The following RSPO1 variants were observed in gnomAD, a reference collection of about 807,000 sequenced individuals.
RSPO1 encodes R-spondin-1.
A neutral mutation model predicts 26.0 loss-of-function variants in RSPO1; 18 were observed. The observed-to-expected ratio is 0.69, with a 90% CI of 0.48 to 1.03. The LOEUF is 1.03. Ranked by LOEUF, RSPO1 falls within the 50% of genes least tolerant of loss-of-function variation. The pLI is 0.00. For synonymous variants in RSPO1, 133 were observed against 137.4 expected, an observed-to-expected ratio of 0.97 and a Z score of 0.22; for missense variants, 309 against 352.3, an observed-to-expected ratio of 0.88 and a Z score of 0.98.
intron 1 of RSPO1, among the ~76,000 whole-genome samples, chr1:37,633,448 G>A (rs933973589): frequency 6.6e-6 from 1 of 152,210 alleles, no homozygotes; most frequent in Non-Finnish European, 1.5e-5. Context: ...GTGGAGCTGA[G>A]GGCAGAAACT....
chr1:37,630,132 C>A (rs12753021), intron 2 of RSPO1, among the ~76,000 whole-genome samples, 183 bp from the exon 3 acceptor site: 1 of 152,128 alleles, frequency 6.6e-6, no homozygotes. Flanking sequence ...AACCTGGGAC[C>A]GGAGCCGGCA....
intron 3 of RSPO1, among the ~76,000 whole-genome samples, chr1:37,619,131 G>C (rs189711445): frequency 5.9e-5 from 9 of 152,342 alleles, no homozygotes; most frequent in African/African-American, 2.2e-4. Context: ...GCTGAGGCAG[G>C]AGAATCACTT....
chr1:37,625,290 G>T (rs1436606844), intron 3 of RSPO1, among the ~76,000 whole-genome samples: 1 of 152,224 alleles, frequency 6.6e-6, no homozygotes, highest in Admixed American at 6.5e-5. Flanking sequence ...TGAGACAGAG[G>T]CTTGAGATGA....
At chr1:37,630,950 G>A (rs962525156) in intron 2 of RSPO1, among the ~76,000 whole-genome samples, 1 of 152,148 alleles carries the variant, frequency 6.6e-6, no homozygotes, top group Non-Finnish European at 1.5e-5. Flanking sequence ...AACAAGTCAT[G>A]TAGCCTCACT....
chr1:37,620,894 C>T (rs1008253420), intron 3 of RSPO1, among the ~76,000 whole-genome samples: 4 of 152,142 alleles, frequency 2.6e-5, no homozygotes, highest in African/African-American at 9.7e-5. Flanking sequence ...TCATTGTTGA[C>T]ATGAATGCGC....
chr1:37,618,527 G>A (rs1195538887), intron 3 of RSPO1, among the ~76,000 whole-genome samples: 1 of 152,212 alleles, frequency 6.6e-6, no homozygotes, highest in Non-Finnish European at 1.5e-5. Context: ...GTGGAGACCA[G>A]AGATGGAAGA....
chr1:37,615,218 C>T (rs1157229686), intron 4 of RSPO1, among the ~76,000 whole-genome samples: 1 of 152,202 alleles, frequency 6.6e-6, no homozygotes, highest in Non-Finnish European at 1.5e-5. Flanking sequence ...TCCCACCATC[C>T]TCCAGGCTTA....
intron 3 of RSPO1, among the ~76,000 whole-genome samples, chr1:37,627,537 C>A (rs976685028): frequency 2.6e-5 from 4 of 152,048 alleles, no homozygotes; most frequent in Non-Finnish European, 5.9e-5. Flanking sequence ...GTAATCCCAG[C>A]TACTTGGGAG....
chr1:37,626,552 T>G (rs1041205257), intron 3 of RSPO1, among the ~76,000 whole-genome samples: 1 of 152,188 alleles, frequency 6.6e-6, no homozygotes, highest in Non-Finnish European at 1.5e-5. Context: ...GATTCATCTC[T>G]GTGATCAGGG....
intron 3 of RSPO1, among the ~76,000 whole-genome samples, chr1:37,627,586 G>C (rs911726982): frequency 2.0e-5 from 3 of 152,014 alleles, no homozygotes; most frequent in African/African-American, 7.3e-5. Context: ...GGAGGCGGAG[G>C]TTGCAGTAAG....
chr1:37,628,545 G>A (rs1045767383), intron 3 of RSPO1, among the ~76,000 whole-genome samples: 1 of 152,238 alleles, frequency 6.6e-6, no homozygotes, highest in African/African-American at 2.4e-5. Flanking sequence ...TGTGGGTGTG[G>A]CATCTTCTCA....
intron 3 of RSPO1, among the ~76,000 whole-genome samples, chr1:37,621,107 C>T (rs1223488611): frequency 6.6e-6 from 1 of 152,112 alleles, no homozygotes; most frequent in East Asian, 1.9e-4. Context: ...TTCTTCAGCA[C>T]CATCAATGGC....
chr1:37,626,405 A>G (rs956052866), intron 3 of RSPO1, among the ~76,000 whole-genome samples: 2 of 151,984 alleles, frequency 1.3e-5, no homozygotes, highest in South Asian at 4.1e-4. Context: ...TCCTAGCTGC[A>G]CCCCACTTCC....
At chr1:37,614,989 G>C (rs924945930) in intron 4 of RSPO1, among the ~76,000 whole-genome samples, 6 of 152,180 alleles carry the variant, frequency 3.9e-5, no homozygotes, top group Non-Finnish European at 8.8e-5. Flanking sequence ...GGGGGAATGG[G>C]GGCAGGGTGG....
chr1:37,618,052 AC>A (rs780127641), intron 3 of RSPO1, among the ~76,000 whole-genome samples: 2 of 152,246 alleles, frequency 1.3e-5, no homozygotes, highest in Admixed American at 6.5e-5. Context: ...GAGGTGTAAA[AC>A]TAGGGAAAGG....
In RSPO1 at chr1:37,613,573, G is replaced by C. The variant is rs116705220; in HGVS notation, c.625+131C>G. The C allele has an allele frequency of 8.1e-6, 6 of 736,886 alleles. No individual in the cohort carries two copies. The highest frequency in any genetic ancestry group is 3.5e-5 in the African/African-American group (2 of 57,922). 45.6% of individuals were successfully genotyped at this position (736,886 alleles called of 1,614,324 possible). On this transcript the variant is annotated intron_variant, in intron 6 of 6. Coordinates refer to ENST00000356545, the MANE Select transcript of RSPO1 (RefSeq NM_001242908.2). The surrounding 1 kb of genome is among the most constrained non-coding windows in gnomAD (Gnocchi z 4.5). ...TCTGGATTGGACAGCATGAGGTCTT[G>C]AGTTGCGGGTGCCCCATCTGGCCTT... is the stretch of plus-strand genomic sequence containing the variant.
rs533427388 is a variant in RSPO1, at chr1:37,630,839, A to T, written c.-288-890T>A. On this transcript the variant is annotated intron_variant, in intron 2 of 6. Transcript: ENST00000356545. ...GCCCACGCACACCCCACACTCCCCC[A>T]CACACACCCACACCACAACAGAGCA... Among the ~76,000 whole-genome samples, 12 of 152,282 alleles carry T rather than the reference A, an allele frequency of 7.9e-5. No individual in the cohort carries two copies. The East Asian group carries it at 2.1e-3, about 27-fold the overall frequency.
chr1:37,616,377 T>C, intron 4 of RSPO1, 107 bp downstream of exon 4: 1 of 1,030,982 alleles, frequency 9.7e-7, no homozygotes, highest in Non-Finnish European at 1.5e-6. Flanking sequence ...TCTCCTCTCC[T>C]CAGAGCCCCC....
intron 3 of RSPO1, among the ~76,000 whole-genome samples, chr1:37,618,028 G>C (rs1644143453): frequency 6.6e-6 from 1 of 152,334 alleles, no homozygotes; most frequent in South Asian, 2.1e-4. Context: ...GGGCACTCAG[G>C]GAGCAGGACC....
Sources: gnomAD v4.1 joint callset for allele counts (sites outside exome capture counted in the v4.1 genomes callset) on GRCh38, gnomAD v4.1.1 for gene constraint, Gnocchi (gnomAD v3.1) non-coding constraint, MANE v1.5 for transcripts, NCBI Gene and HGNC (gene_info 2026-07-23, HGNC 2026-07-21) for gene names.